The following KLF9 variants were observed in gnomAD, a reference collection of about 807,000 sequenced individuals.
KLF9 encodes KLF transcription factor 9, also known as Krueppel-like factor 9.
A neutral mutation model predicts 17.3 loss-of-function variants in KLF9; 2 were observed. The ratio of observed to expected loss-of-function variants is 0.12; its 90% confidence interval spans 0.05 to 0.36. KLF9 has a LOEUF of 0.36. Ranked by LOEUF, KLF9 falls within the 10% of genes least tolerant of loss-of-function variation. The pLI is 1.00. For missense variants in KLF9, 226 were observed against 333.2 expected (o/e 0.68, Z 2.51); for synonymous variants, 138 against 139.2 (o/e 0.99, Z 0.06).
rs149548878 is a variant in KLF9 at position 70,391,918 on chromosome 9, C to G, written c.506-3913G>C. ...TTTAAGTATTATCTACAGCTGCATTCTCAAAACAGCAGTGTTGAGCAGTTG... is the reference window on the plus strand; with the variant it reads ...TTTAAGTATTATCTACAGCTGCATTGTCAAAACAGCAGTGTTGAGCAGTTG... On this transcript the variant is annotated intron_variant, in intron 1 of 1. Transcript: ENST00000377126. Among the ~76,000 whole-genome samples the G allele has an allele frequency of 7.0e-4, 107 of 152,354 alleles. 1 individual carries two copies. The Middle Eastern group carries it at 0.01, about 15-fold the overall frequency.
intron 1 of KLF9, among the ~76,000 whole-genome samples, chr9:70,407,825 C>T (rs1260486603): frequency 6.6e-6 from 1 of 152,170 alleles, no homozygotes; most frequent in African/African-American, 2.4e-5. Flanking sequence ...CTATAGCAAA[C>T]CCTTGCAGCC....
chr9:70,409,148 A>ATATATGTG (rs1278949209), intron 1 of KLF9, among the ~76,000 whole-genome samples: 13 of 61,238 alleles, frequency 2.1e-4, no homozygotes, highest in African/African-American at 2.7e-4. Flanking sequence ...ATATATGTAT[A>ATATATGTG]TGTATATATA....
rs913272620 is a variant in KLF9, at chr9:70,401,966, A to C, written c.505+10893T>G. 2.0e-5 allele frequency among the ~76,000 whole-genome samples: 3 copies of C among 152,180 alleles called. No individual in the cohort carries two copies. In the East Asian group the frequency reaches 5.8e-4, roughly 29 times the overall value. On this transcript the variant is annotated intron_variant, in intron 1 of 1. Transcript: ENST00000377126. ...GGAGGCGGAGGTTGCAGTGAGCGAG[A>C]TCATGCCACTGCACTCCAGCCTGGG...
chr9:70,400,970 C>T (rs921189378), intron 1 of KLF9, among the ~76,000 whole-genome samples: 1 of 151,994 alleles, frequency 6.6e-6, no homozygotes, highest in Admixed American at 6.5e-5. Flanking sequence ...GGAATATAGT[C>T]CCCTCTTTGG....
rs1454634199 is a variant in KLF9, at chr9:70,413,923, G to C, written c.-560C>G. ...CGGCTTCTGAACCCCTGCTCCGGCC[G>C]GTCCGCACCGTTCCGGCATTCTCTT... On this transcript the variant is annotated 5_prime_UTR_variant, in exon 1 of 2. Transcript: ENST00000377126. This position sits in a 1 kb window ranked among gnomAD's most constrained non-coding sequence, Gnocchi z 5.6. The C allele has an allele frequency of 6.5e-6, 1 of 152,710 alleles. No homozygotes were observed. Among genetic ancestry groups the C allele is most frequent in the Non-Finnish European group, 1.5e-5 (1 of 68,112 alleles). The allele number at this position is 152,710 out of a possible 1,614,324, so 9.5% of individuals were successfully genotyped here.
chr9:70,393,137 C>T (rs1169269546), intron 1 of KLF9, among the ~76,000 whole-genome samples: 1 of 152,178 alleles, frequency 6.6e-6, no homozygotes, highest in African/African-American at 2.4e-5. Context: ...CTGAACACTG[C>T]GCACAATGTG....
At chr9:70,409,125 TATATGTATAC>T (rs1222212141) in intron 1 of KLF9, among the ~76,000 whole-genome samples, 8 of 79,938 alleles carry the variant, frequency 1.0e-4, no homozygotes, top group African/African-American at 2.6e-4. Context: ...CATATATGTA[TATATGTATAC>T]ATATATATGT....
rs2037122951 is a variant in KLF9 at position 70,387,626 on chromosome 9, G to A, written c.*150C>T. ...ATGTGCTTTTTAAAAACAATGCAGG[G>A]AGAGGAAAATCAGAATATTGACCAA... On this transcript the variant is annotated 3_prime_UTR_variant, in exon 2 of 2. Transcript: ENST00000377126. 1.5e-6 allele frequency: 1 copy of A among 653,294 alleles called. No homozygotes were observed. The highest frequency in any genetic ancestry group is 2.7e-6 in the Non-Finnish European group (1 of 374,432). 40.5% of individuals were successfully genotyped at this position (653,294 alleles called of 1,614,324 possible).
At chr9:70,412,779 T>G in intron 1 of KLF9, 80 bp downstream of exon 1, 1 of 1,350,394 alleles carries the variant, frequency 7.4e-7, no homozygotes, top group Non-Finnish European at 1.0e-6. Context: ...CCGAGTGCAG[T>G]GTCCCGAACG....
intron 1 of KLF9, among the ~76,000 whole-genome samples, chr9:70,392,053 C>T (rs1193572557): frequency 3.9e-5 from 6 of 152,128 alleles, no homozygotes; most frequent in African/African-American, 7.2e-5. Context: ...CTGGGTGTGG[C>T]GTTGCACACC....
intron 1 of KLF9, among the ~76,000 whole-genome samples, chr9:70,392,278 G>A (rs1209563913): frequency 6.6e-6 from 1 of 152,236 alleles, no homozygotes; most frequent in Non-Finnish European, 1.5e-5. Flanking sequence ...ACAGGTCGGG[G>A]ACAGGGTGGG....
chr9:70,406,639 C>T (rs1001460610), intron 1 of KLF9, among the ~76,000 whole-genome samples: 3 of 152,154 alleles, frequency 2.0e-5, no homozygotes, highest in African/African-American at 7.2e-5. Flanking sequence ...CCCTTTTTAA[C>T]CATCTGTGGG....
At chr9:70,407,551 G>A (rs1468651367) in intron 1 of KLF9, among the ~76,000 whole-genome samples, 2 of 152,242 alleles carry the variant, frequency 1.3e-5, no homozygotes, top group African/African-American at 2.4e-5. Flanking sequence ...CTTGCCAGCA[G>A]AAGATTCTCA....
Position 70,409,022 on chromosome 9 carries a change from G to GTATA in KLF9, c.505+3833_505+3836dup, listed in dbSNP as rs778803628. 6.0e-5 allele frequency among the ~76,000 whole-genome samples: 6 copies of GTATA among 99,714 alleles called. 1 individual carries two copies. Among genetic ancestry groups the GTATA allele is most frequent in the Non-Finnish European group, 1.3e-4 (6 of 47,092 alleles). The allele number at this position is 99,714 out of a possible 152,430, so 65.4% of individuals were successfully genotyped here. A position where few individuals can be genotyped will look rare whatever the true frequency, so the allele number is the denominator to read the frequency against. The stretch of plus-strand genomic sequence containing the variant: ...TGTGTATATATATATACACATATAT[G>GTATA]TATATATATATATGTGTATATATAT... On this transcript the variant is annotated intron_variant, in intron 1 of 1. Transcript: ENST00000377126.
intron 1 of KLF9, among the ~76,000 whole-genome samples, chr9:70,400,476 TAGAGAG>T (rs1342815188): frequency 6.6e-6 from 1 of 152,032 alleles, no homozygotes; most frequent in African/African-American, 2.4e-5. Flanking sequence ...GACCCCGAAT[TAGAGAG>T]AGAACCCTGA....
intron 1 of KLF9, among the ~76,000 whole-genome samples, chr9:70,409,144 G>GTATACATA (rs2037288676): frequency 1.0e-3 from 56 of 55,454 alleles, no homozygotes; most frequent in African/African-American, 2.6e-3. Context: ...ACATATATAT[G>GTATACATA]TATATGTATA....
chr9:70,411,473 GT>G lies in KLF9; in HGVS notation c.505+1385del, dbSNP rs532725551. Among the ~76,000 whole-genome samples, 72 of 152,284 alleles carry G rather than the reference GT, an allele frequency of 4.7e-4. 3 individuals are homozygous for G. The South Asian group carries it at 0.015, about 31-fold the overall frequency. On this transcript the variant is annotated intron_variant, in intron 1 of 1. Coordinates refer to ENST00000377126, the MANE Select transcript of KLF9 (RefSeq NM_001206.4). ...ACAGATACAAGCCTTAAAATGTGCT[GT>G]TTTATGGCAACCTAAATGATGACCC...
chr9:70,393,293 C>G (rs2037163284), intron 1 of KLF9, among the ~76,000 whole-genome samples: 1 of 152,200 alleles, frequency 6.6e-6, no homozygotes, highest in Non-Finnish European at 1.5e-5. Flanking sequence ...TGAGAGGGAG[C>G]CTCCTCGACT....
At chr9:70,399,984 T>C (rs1014329879) in intron 1 of KLF9, among the ~76,000 whole-genome samples, 2 of 152,192 alleles carry the variant, frequency 1.3e-5, no homozygotes, top group Non-Finnish European at 2.9e-5. Context: ...AAAGAGCTGG[T>C]AGGACTGTAT....
Sources: gnomAD v4.1 joint callset for allele counts (sites outside exome capture counted in the v4.1 genomes callset) on GRCh38, gnomAD v4.1.1 for gene constraint, Gnocchi (gnomAD v3.1) non-coding constraint, MANE v1.5 for transcripts, NCBI Gene and HGNC (gene_info 2026-07-23, HGNC 2026-07-21) for gene names.